BIN1: variants seen among roughly 807,000 people sequenced by gnomAD.
BIN1 encodes the protein myc box-dependent-interacting protein 1.
A neutral mutation model predicts 82.0 loss-of-function variants in BIN1; 53 were observed. That is an observed-to-expected ratio of 0.65 (90% CI 0.52 to 0.81). The LOEUF (loss-of-function observed/expected upper bound fraction) is 0.81. Ranked by LOEUF, BIN1 falls within the 40% of genes least tolerant of loss-of-function variation. BIN1 has a pLI of 0.00. For missense variants in BIN1, 642 were observed against 784.4 expected, an observed-to-expected ratio of 0.82 and a Z score of 2.17; for synonymous variants, 302 against 328.0, an observed-to-expected ratio of 0.92 and a Z score of 0.86.
At chr2:127,097,748 G>T (rs1679784933) in intron 1 of BIN1, among the ~76,000 whole-genome samples, 1 of 152,144 alleles carries the variant, frequency 6.6e-6, no homozygotes, top group Non-Finnish European at 1.5e-5. Context: ...GGCAACACGT[G>T]GGGAGGGAAG....
chr2:127,056,578 G>GCCA (rs1220270089), intron 12 of BIN1: 1 of 152,402 alleles, frequency 6.6e-6, no homozygotes, highest in Non-Finnish European at 1.5e-5. Flanking sequence ...TTTGCTGGAG[G>GCCA]CCACCACAGC....
intron 1 of BIN1, among the ~76,000 whole-genome samples, chr2:127,097,332 G>A (rs182665131): frequency 7.0e-6 from 1 of 142,398 alleles, no homozygotes; most frequent in African/African-American, 2.6e-5. Context: ...CCAGGCCCAG[G>A]AGCGTCACCC....
chr2:127,052,312 G>A lies in BIN1; in HGVS notation c.1314C>T (p.Ala438=), dbSNP rs747474627. 2.0e-5 allele frequency: 32 copies of A among 1,586,642 alleles called. No individual in the cohort carries two copies. In the Middle Eastern group the frequency reaches 5.2e-4, roughly 26 times the overall value. Residue 438 remains alanine, a synonymous_variant, in exon 15 of 19, where the codon GCC becomes GCT. Coordinates refer to ENST00000316724, the MANE Select transcript of BIN1 (RefSeq NM_139343.3). ...GCCAGGACACAGCAAAGGTGCCCTCGGCAGCGCTGGGCTCCCCGGAAGGCA... is the reference window on the plus strand; with the variant it reads ...GCCAGGACACAGCAAAGGTGCCCTCAGCAGCGCTGGGCTCCCCGGAAGGCA... ...GSLPSGEPSA[A]EGTFAVSWPS... is the part of the protein sequence containing the mutation.
chr2:127,065,312 T>G (rs1225833864), intron 7 of BIN1, among the ~76,000 whole-genome samples: 2 of 147,872 alleles, frequency 1.4e-5, no homozygotes, highest in East Asian at 2.0e-4. Flanking sequence ...GAGCGGGGGG[T>G]GGGGAAGAAT....
chr2:127,076,915 G>A (rs1045787946), intron 1 of BIN1, among the ~76,000 whole-genome samples: 1 of 152,054 alleles, frequency 6.6e-6, no homozygotes, highest in Non-Finnish European at 1.5e-5. Flanking sequence ...CCCAGGGCTC[G>A]ACAATAGGCC....
chr2:127,051,278 G>A (rs1266324272), intron 15 of BIN1, 35 bp from the exon 16 acceptor site: 2 of 1,607,538 alleles, frequency 1.2e-6, no homozygotes, highest in East Asian at 2.2e-5. Flanking sequence ...GTCAGACACA[G>A]GACAGGACAC....
At chr2:127,076,069 ACTCCCAGGCC>A (rs1348915912) in intron 2 of BIN1, among the ~76,000 whole-genome samples, 3 of 101,842 alleles carry the variant, frequency 2.9e-5, no homozygotes, top group Non-Finnish European at 6.2e-5. Context: ...TCTCCCAGCT[ACTCCCAGGCC>A]CTCCCAGCTG....
At chr2:127,049,900 C>T (rs1409246106) in intron 18 of BIN1, among the ~76,000 whole-genome samples, 3 of 152,218 alleles carry the variant, frequency 2.0e-5, no homozygotes, top group Non-Finnish European at 2.9e-5. Flanking sequence ...GGGTGAGCCT[C>T]AGCCGGGGAC....
At chr2:127,085,645 C>T (rs1349197003) in intron 1 of BIN1, among the ~76,000 whole-genome samples, 1 of 151,960 alleles carries the variant, frequency 6.6e-6, no homozygotes, top group Non-Finnish European at 1.5e-5. Context: ...ATGGGGAAAC[C>T]AAGAGCGAGC....
At chr2:127,050,338 G>T in intron 18 of BIN1, 83 bp downstream of exon 18, 1 of 1,479,554 alleles carries the variant, frequency 6.8e-7, no homozygotes. Flanking sequence ...CCCCCTGCTG[G>T]CCTGTCTCCG....
intron 1 of BIN1, among the ~76,000 whole-genome samples, chr2:127,085,525 G>A (rs968543249): frequency 6.6e-5 from 10 of 152,168 alleles, no homozygotes; most frequent in African/African-American, 1.9e-4. Context: ...GCCCTCCTGG[G>A]CACAGTAGGA....
At position 127,070,435 on chromosome 2, in the gene BIN1, A is replaced by G. The variant is rs376236839; in HGVS notation, c.315+118T>C. On this transcript the variant is annotated intron_variant, in intron 4 of 18. Coordinates refer to ENST00000316724, the MANE Select transcript of BIN1 (RefSeq NM_139343.3). ...GGGAGGGCAGCTTGCCCCAGGGCAC[A>G]CAGCACGCGAATGCCCGAGAACCAG... 88 of 1,262,540 alleles carry G rather than the reference A, an allele frequency of 7.0e-5. 1 individual carries two copies. The African/African-American group carries it at 8.3e-4, about 12-fold the overall frequency. The allele number at this position is 1,262,540 out of a possible 1,614,324, so 78.2% of individuals were successfully genotyped here. A position where few individuals can be genotyped will look rare whatever the true frequency, so the allele number is the denominator to read the frequency against.
intron 1 of BIN1, among the ~76,000 whole-genome samples, chr2:127,077,246 C>T (rs1003764425): frequency 2.6e-5 from 4 of 152,136 alleles, no homozygotes; most frequent in East Asian, 1.9e-4. Flanking sequence ...CCGGGGGCCA[C>T]GCAGAGTCTG....
intron 9 of BIN1, among the ~76,000 whole-genome samples, 184 bp from the exon 10 acceptor site, chr2:127,062,381 G>T (rs1432375221): frequency 6.6e-6 from 1 of 152,276 alleles, no homozygotes; most frequent in Non-Finnish European, 1.5e-5. Context: ...GCAACAAAAC[G>T]GGGCAAGTGG....
intron 18 of BIN1, among the ~76,000 whole-genome samples, chr2:127,049,563 T>C (rs912237580): frequency 2.0e-5 from 3 of 152,130 alleles, no homozygotes; most frequent in Non-Finnish European, 2.9e-5. Context: ...CACAGAAGCG[T>C]TGATGGCTAA....
intron 1 of BIN1, among the ~76,000 whole-genome samples, chr2:127,086,203 G>C (rs1233455402): frequency 6.6e-6 from 1 of 152,178 alleles, no homozygotes; most frequent in East Asian, 1.9e-4. Flanking sequence ...ATGAGCTCTA[G>C]AGCCAGGATG....
At position 127,082,021 on chromosome 2, in the gene BIN1, G is replaced by A. The variant is rs961908324; in HGVS notation, c.85-5315C>T. On this transcript the variant is annotated intron_variant, in intron 1 of 18. Transcript: ENST00000316724. The surrounding 1 kb of genome is among the most constrained non-coding windows in gnomAD (Gnocchi z 6.1). ...AGACACAGACAGAGGACAGGCAGGC[G>A]GGCAGGGGGAAGGCCACTGTCAGAC... 1.5e-4 allele frequency among the ~76,000 whole-genome samples: 23 copies of A among 152,090 alleles called. No homozygotes were observed. Among genetic ancestry groups the A allele is most frequent in the Non-Finnish European group, 1.2e-4 (8 of 68,002 alleles).
chr2:127,049,467 C>T (rs537426051), intron 18 of BIN1, among the ~76,000 whole-genome samples: 91 of 152,312 alleles, frequency 6.0e-4, no homozygotes, highest in African/African-American at 2.1e-3. Flanking sequence ...CCCCTACATC[C>T]CAGCCCAGGA....
At chr2:127,072,013 C>T (rs74857591) in intron 2 of BIN1, among the ~76,000 whole-genome samples, 3,330 of 152,244 alleles carry the variant, frequency 0.022, 125 homozygotes, top group African/African-American at 0.076. Flanking sequence ...ACCCTCCTGG[C>T]CTCCCCTGCC....
Sources: gnomAD v4.1 joint callset for allele counts (sites outside exome capture counted in the v4.1 genomes callset) on GRCh38, gnomAD v4.1.1 for gene constraint, Gnocchi (gnomAD v3.1) non-coding constraint, MANE v1.5 for transcripts, NCBI Gene and HGNC (gene_info 2026-07-23, HGNC 2026-07-21) for gene names.